Variants in CLSTN2 observed in about 807,000 individuals in gnomAD.
CLSTN2 encodes the protein calsyntenin-2.
Under a neutral mutation model 101.2 loss-of-function variants are expected in CLSTN2, and 48 were observed. The observed-to-expected ratio is 0.47, with a 90% CI of 0.38 to 0.60. CLSTN2 has a LOEUF of 0.60. Ranked by LOEUF, CLSTN2 falls within the 20% of genes least tolerant of loss-of-function variation. CLSTN2 has a pLI of 0.00. For synonymous variants in CLSTN2, 481 were observed against 463.6 expected (o/e 1.04, Z -0.48); for missense variants, 1,160 against 1,238.2 (o/e 0.94, Z 0.95).
intron 1 of CLSTN2, among the ~76,000 whole-genome samples, chr3:140,114,301 A>G (rs1339892472): frequency 1.3e-5 from 2 of 152,146 alleles, no homozygotes; most frequent in Non-Finnish European, 2.9e-5. Flanking sequence ...TTCTTTGCCA[A>G]GAATGCTCTC....
At chr3:140,082,103 C>T (rs2008608307) in intron 1 of CLSTN2, among the ~76,000 whole-genome samples, 1 of 152,214 alleles carries the variant, frequency 6.6e-6, no homozygotes, top group South Asian at 2.1e-4. Context: ...CTGCTTCTGA[C>T]TCACAGCGGG....
At chr3:140,546,749 G>A (rs752971409) in intron 10 of CLSTN2, 68 bp downstream of exon 10, 3 of 1,389,142 alleles carry the variant, frequency 2.2e-6, no homozygotes, top group African/African-American at 1.5e-5. Flanking sequence ...CACAGCGCCA[G>A]CACACGCCAG....
intron 2 of CLSTN2, among the ~76,000 whole-genome samples, chr3:140,269,242 T>A (rs2086720602): frequency 6.6e-6 from 1 of 152,188 alleles, no homozygotes; most frequent in South Asian, 2.1e-4. Flanking sequence ...CAAAACAGGA[T>A]TTTCTTTAAG....
intron 2 of CLSTN2, among the ~76,000 whole-genome samples, chr3:140,255,726 T>C (rs759834664): frequency 1.3e-5 from 2 of 152,178 alleles, no homozygotes; most frequent in South Asian, 2.1e-4. Flanking sequence ...TTTACCCATA[T>C]ACCAAACCTG....
chr3:140,395,998 G>T (rs1026426861), intron 2 of CLSTN2, among the ~76,000 whole-genome samples: 3 of 152,140 alleles, frequency 2.0e-5, no homozygotes, highest in Admixed American at 2.0e-4. Context: ...CCAGGTGTTC[G>T]CTCCAGGAAG....
chr3:140,184,681 G>T (rs562260571), intron 2 of CLSTN2, among the ~76,000 whole-genome samples: 1 of 152,202 alleles, frequency 6.6e-6, no homozygotes, highest in South Asian at 2.1e-4. Flanking sequence ...GGGGGGTAGG[G>T]TCATCAATGC....
intron 1 of CLSTN2, among the ~76,000 whole-genome samples, chr3:139,956,088 T>A (rs1189646742): frequency 6.6e-6 from 1 of 152,164 alleles, no homozygotes; most frequent in Non-Finnish European, 1.5e-5. Context: ...ACTCTGTGAG[T>A]TGGGTCTCCT....
rs190780511 is a variant in CLSTN2 at position 140,344,746 on chromosome 3, T to C, written c.233-58883T>C. On this transcript the variant is annotated intron_variant, in intron 2 of 16. Transcript: ENST00000458420. Reference sequence around the variant, plus strand: ...CACATATAAACCTCATCACACTGCATATATTGAATTGACCTGTCTTTATCT... The same window carrying C: ...CACATATAAACCTCATCACACTGCACATATTGAATTGACCTGTCTTTATCT... 2.8e-3 allele frequency among the ~76,000 whole-genome samples: 423 copies of C among 152,288 alleles called. 4 individuals are homozygous for C. The highest frequency in any genetic ancestry group is 4.1e-3 in the Non-Finnish European group (276 of 68,036).
At chr3:140,272,695 T>C (rs918674362) in intron 2 of CLSTN2, among the ~76,000 whole-genome samples, 5 of 152,196 alleles carry the variant, frequency 3.3e-5, no homozygotes, top group African/African-American at 1.2e-4. Flanking sequence ...GAGGTTGCAG[T>C]GAGCCGAGTT....
At chr3:140,278,549 A>T (rs2086815871) in intron 2 of CLSTN2, among the ~76,000 whole-genome samples, 1 of 152,140 alleles carries the variant, frequency 6.6e-6, no homozygotes, top group African/African-American at 2.4e-5. Context: ...CCAGCAGACA[A>T]TGAATTCTGC....
At chr3:140,312,874 A>C (rs750587813) in intron 2 of CLSTN2, among the ~76,000 whole-genome samples, 6 of 152,266 alleles carry the variant, frequency 3.9e-5, no homozygotes, top group Non-Finnish European at 8.8e-5. Context: ...TAAAGGGTTG[A>C]CATTTTCAGC....
intron 1 of CLSTN2, among the ~76,000 whole-genome samples, chr3:140,086,108 ATAT>A (rs1263875570): frequency 6.6e-6 from 1 of 152,228 alleles, no homozygotes; most frequent in Admixed American, 6.5e-5. Flanking sequence ...ATATTTGGAC[ATAT>A]TATGCCAATG....
intron 2 of CLSTN2, among the ~76,000 whole-genome samples, chr3:140,212,792 C>T (rs749079827): frequency 3.3e-5 from 5 of 152,114 alleles, no homozygotes; most frequent in Non-Finnish European, 7.4e-5. Context: ...AATTCTAATC[C>T]CCCACCATAA....
intron 3 of CLSTN2, among the ~76,000 whole-genome samples, 158 bp downstream of exon 3, chr3:140,403,982 T>C (rs2088275178): frequency 6.6e-6 from 1 of 152,188 alleles, no homozygotes; most frequent in African/African-American, 2.4e-5. Flanking sequence ...TGCAGGCATC[T>C]TCCCAGTCTG....
At chr3:140,109,215 G>A (rs940416029) in intron 1 of CLSTN2, among the ~76,000 whole-genome samples, 3 of 152,080 alleles carry the variant, frequency 2.0e-5, no homozygotes, top group Non-Finnish European at 4.4e-5. Context: ...CTGCACCATT[G>A]CCCTTTACCT....
chr3:140,325,491 C>T (rs1293447238), intron 2 of CLSTN2, among the ~76,000 whole-genome samples: 1 of 152,144 alleles, frequency 6.6e-6, no homozygotes, highest in Non-Finnish European at 1.5e-5. Flanking sequence ...GCTTAAGAAG[C>T]CAAATGTATT....
At chr3:140,140,513 G>A (rs1161076576) in intron 1 of CLSTN2, among the ~76,000 whole-genome samples, 1 of 152,148 alleles carries the variant, frequency 6.6e-6, no homozygotes. Flanking sequence ...ACCCCTGCAT[G>A]AGACAGCCAC....
At chr3:140,356,206 G>A (rs113664170) in intron 2 of CLSTN2, among the ~76,000 whole-genome samples, 2,779 of 152,256 alleles carry the variant, frequency 0.018, 80 homozygotes, top group African/African-American at 0.063. Context: ...ATAAACATGG[G>A]AACTTAAAAA....
intron 1 of CLSTN2, among the ~76,000 whole-genome samples, chr3:140,159,463 C>T (rs1045244738): frequency 1.3e-5 from 2 of 151,878 alleles, no homozygotes; most frequent in Non-Finnish European, 2.9e-5. Context: ...AATCAAAATC[C>T]CAATGAAATA....
Sources: allele counts gnomAD v4.1 joint callset (sites outside exome capture counted in the v4.1 genomes callset), GRCh38; gene constraint gnomAD v4.1.1; transcripts MANE v1.5; gene names NCBI Gene and HGNC (gene_info 2026-07-23, HGNC 2026-07-21).